Variants in HPS5 observed in about 807,000 individuals in gnomAD.
HPS5 encodes BLOC-2 complex member HPS5.
In HPS5, 83 loss-of-function variants were observed where a neutral mutation model predicts 128.0. The observed-to-expected ratio is 0.65, with a 90% CI of 0.54 to 0.78. HPS5 has a LOEUF of 0.78. Among genes scored for constraint, HPS5 ranks in the 30% least tolerant of loss-of-function variants. The probability of loss-of-function intolerance (pLI) is 0.00; values close to 1 mark genes in which losing one functional copy is unlikely to be tolerated. For missense variants in HPS5, 1,281 were observed against 1,326.2 expected, an observed-to-expected ratio of 0.97 and a Z score of 0.53; for synonymous variants, 475 against 470.2, an observed-to-expected ratio of 1.01 and a Z score of -0.13.
At position 18,285,357 on chromosome 11, in the gene HPS5, G is replaced by A; in HGVS notation, c.2940C>T (p.Cys980=). The A allele has an allele frequency of 6.2e-7, 1 of 1,605,752 alleles. No individual in the cohort carries two copies. The highest frequency in any genetic ancestry group is 8.5e-7 in the Non-Finnish European group (1 of 1,172,642). ...AAATTCTCACTTACCCACAAGACCT[G>A]CAGATGTCTGTCATTTTCTCTTTGG... The part of the protein sequence containing the change: ...FITKEKMTDI[C]RSCGFWPGYL... Residue 980 remains cysteine (C), a synonymous_variant, in exon 20 of 23, where the codon TGC becomes TGT. Transcript: ENST00000349215.
intron 22 of HPS5, 128 bp downstream of exon 22, chr11:18,281,822 A>G: frequency 9.5e-7 from 1 of 1,050,786 alleles, no homozygotes; most frequent in Non-Finnish European, 1.5e-6. Flanking sequence ...CTTAATTACC[A>G]CATCAGTCTC....
At chr11:18,280,267 G>A (rs748942675) in intron 22 of HPS5, among the ~76,000 whole-genome samples, 40 of 152,138 alleles carry the variant, frequency 2.6e-4, no homozygotes, top group Non-Finnish European at 5.4e-4. Flanking sequence ...ATAAGCATAT[G>A]AAAAAATGCT....
In HPS5 at chr11:18,306,312, T is replaced by A. The variant is rs771428254; in HGVS notation, c.647A>T (p.Asp216Val). The A allele has an allele frequency of 4.3e-6, 7 of 1,613,930 alleles. No homozygotes were observed. The highest frequency in any genetic ancestry group is 5.9e-6 in the Non-Finnish European group (7 of 1,179,978). Residue 216 changes from aspartate to valine, a missense_variant, in exon 7 of 23, where the codon GAT (aspartate) becomes GTT (valine). Coordinates refer to ENST00000349215, the MANE Select transcript of HPS5 (RefSeq NM_181507.2). Reference protein sequence around the residue: ...KFWKIGNKERDGEYGACFFPG... With the variant: ...KFWKIGNKERVGEYGACFFPG... ...AAAGAAACAAGCTCCATATTCTCCA[T>A]CTCTTTCCTTGTTTCCAATTTTCCA... is the stretch of plus-strand genomic sequence containing the variant.
chr11:18,311,528 TGAGA>T, intron 3 of HPS5, 77 bp from the exon 4 acceptor site: 2 of 800,192 alleles, frequency 2.5e-6, no homozygotes, highest in Non-Finnish European at 3.7e-6. Context: ...TTTTTTTTTT[TGAGA>T]CTGAGTCTCG....
chr11:18,306,040 TA>T, intron 7 of HPS5, 94 bp downstream of exon 7: 1 of 974,114 alleles, frequency 1.0e-6, no homozygotes, highest in Non-Finnish European at 1.7e-6. Context: ...CCAGGTATAA[TA>T]AAATCTTTAA....
intron 1 of HPS5, among the ~76,000 whole-genome samples, chr11:18,318,741 GAA>G (rs1438999598): frequency 7.2e-5 from 11 of 152,134 alleles, no homozygotes; most frequent in Non-Finnish European, 1.3e-4. Context: ...GAATACAACA[GAA>G]AAAGTCATGA....
intron 12 of HPS5, chr11:18,296,397 C>T: frequency 1.8e-6 from 1 of 542,130 alleles, no homozygotes; most frequent in Middle Eastern, 4.9e-4. Context: ...TCTCTTCTCA[C>T]TAGTTCAGCC....
chr11:18,279,833 G>A lies in HPS5; in HGVS notation c.*49C>T. ...ATGCGTTCAGAAGGTTCAGGAGCAT[G>A]ATTTAGTTTTTCTCAAAATGTCATG... On this transcript the variant is annotated 3_prime_UTR_variant, in exon 23 of 23. Transcript: ENST00000349215. The A allele has an allele frequency of 1.9e-6, 3 of 1,546,648 alleles. No homozygotes were observed. Among genetic ancestry groups the A allele is most frequent in the Non-Finnish European group, 2.7e-6 (3 of 1,118,588 alleles).
Position 18,317,629 on chromosome 11 carries a change from A to T in HPS5, c.108+122T>A, listed in dbSNP as rs924581271. 5.5e-6 allele frequency: 5 copies of T among 905,054 alleles called. No homozygotes were observed. The African/African-American group carries it at 8.5e-5, about 15-fold the overall frequency. The allele number at this position is 905,054 out of a possible 1,614,324, so 56.1% of individuals were successfully genotyped here. On this transcript the variant is annotated intron_variant, in intron 2 of 22. Transcript: ENST00000349215. ...TTTTCTTCTTTTTTTTCCCCCACAA[A>T]AGTATGACTAGGACAGGTAAGAACA...
rs374035680 is a variant in HPS5, at chr11:18,285,462, A to G, written c.2838-3T>C. The G allele has an allele frequency of 1.3e-6, 2 of 1,579,624 alleles. No homozygotes were observed. The highest frequency in any genetic ancestry group is 1.7e-6 in the Non-Finnish European group (2 of 1,148,806). On this transcript the variant is annotated splice_region_variant and splice_polypyrimidine_tract_variant and intron_variant, in intron 19 of 22. Transcript: ENST00000349215. Reference sequence around the variant, plus strand: ...AGGAAAGCAAGTGTGAATGAGGCCTATGAAATGAAAAGGAATCAGTAAATT... The same window carrying G: ...AGGAAAGCAAGTGTGAATGAGGCCTGTGAAATGAAAAGGAATCAGTAAATT...
chr11:18,301,569 A>G (rs1861720858), intron 8 of HPS5, among the ~76,000 whole-genome samples: 1 of 152,136 alleles, frequency 6.6e-6, no homozygotes, highest in South Asian at 2.1e-4. Flanking sequence ...CATACTGGAC[A>G]TGATACGGGC....
rs1233575388 is a variant in HPS5 at position 18,309,014 on chromosome 11, C to T, written c.543G>A (p.Gln181=). ...GTAGCCTTCCATCCAAATAATCTAA[C>T]TGTACAACACAGGAGTCAACAGTTG... is the stretch of plus-strand genomic sequence containing the variant. ...TITTVDSCVV[Q]LDYLDGRLLI... is the part of the protein sequence containing the mutation. The change falls in exon 6 of 23, where the codon CAG becomes CAA. Residue 181 remains glutamine (Q), a synonymous_variant. Coordinates refer to ENST00000349215, the MANE Select transcript of HPS5 (RefSeq NM_181507.2). 1 of 1,613,848 alleles carries T rather than the reference C, an allele frequency of 6.2e-7. No homozygotes were observed. Among genetic ancestry groups the T allele is most frequent in the Admixed American group, 1.7e-5 (1 of 60,024 alleles).
At chr11:18,317,611 C>A in intron 2 of HPS5, 140 bp downstream of exon 2, 1 of 830,008 alleles carries the variant, frequency 1.2e-6, no homozygotes, top group South Asian at 1.6e-5. Context: ...TTATTTTCTT[C>A]TTTTTTTTCC....
rs144875223 is a variant in HPS5, at chr11:18,287,917, G to A, written c.2537C>T (p.Pro846Leu). The A allele has an allele frequency of 1.4e-3, 2,216 of 1,613,920 alleles. 43 individuals carry two copies. The Admixed American group carries it at 0.032, about 24-fold the overall frequency. The change falls in exon 17 of 23, where the codon CCG (proline) becomes CTG (leucine). Residue 846 changes from proline to leucine, a missense_variant. Physicochemically the swap from Pro to Leu is moderately conservative, Grantham distance 98. Transcript: ENST00000349215. The part of the protein sequence containing the change: ...LLDDEVPFDS[P>L]LLVVYATRLY... Reference sequence around the variant, plus strand: ...CCGGGTAGCATAAACAACCAACAACGGACTATCAAAAGGAACCTCGTCATC... The same window carrying A: ...CCGGGTAGCATAAACAACCAACAACAGACTATCAAAAGGAACCTCGTCATC...
At chr11:18,301,377 A>T (rs2061163) in intron 8 of HPS5, among the ~76,000 whole-genome samples, 5 of 149,762 alleles carry the variant, frequency 3.3e-5, no homozygotes, top group South Asian at 2.1e-4. Flanking sequence ...AATCACTTAC[A>T]GGGAGGCGGA....
chr11:18,294,932 A>G, intron 14 of HPS5, 88 bp downstream of exon 14: 1 of 1,433,318 alleles, frequency 7.0e-7, no homozygotes. Context: ...CCCACGGGCC[A>G]CAGGCTGCAC....
chr11:18,312,013 T>A lies in HPS5; in HGVS notation c.120A>T (p.Ile40=). 1 of 1,613,184 alleles carries A rather than the reference T, an allele frequency of 6.2e-7. No individual in the cohort carries two copies. Among genetic ancestry groups the A allele is most frequent in the African/African-American group, 1.3e-5 (1 of 75,024 alleles). ...LDSSRLKCTS[I]AVSRKWLALG... is the part of the protein sequence containing the mutation. ...AAGCCAACCATTTCCGAGACACAGC[T>A]ATGCTCGTGCACTAAAAACATGTGA... is the stretch of plus-strand genomic sequence containing the variant. Residue 40 remains isoleucine, a synonymous_variant, in exon 3 of 23, where the codon ATA becomes ATT. Transcript: ENST00000349215.
At chr11:18,320,066 G>A (rs56339342) in intron 1 of HPS5, among the ~76,000 whole-genome samples, 14,090 of 151,706 alleles carry the variant, frequency 0.093, 909 homozygotes, top group Non-Finnish European at 0.14. Flanking sequence ...ATAATGCGGG[G>A]GTGTGCAGGG....
At chr11:18,315,437 ACT>A (rs1042579755) in intron 2 of HPS5, among the ~76,000 whole-genome samples, 10 of 152,038 alleles carry the variant, frequency 6.6e-5, no homozygotes, top group African/African-American at 2.2e-4. Flanking sequence ...ACATGGTGAA[ACT>A]CTGTCTCTAC....
Sources: allele counts gnomAD v4.1 joint callset (sites outside exome capture counted in the v4.1 genomes callset), GRCh38; gene constraint gnomAD v4.1.1; transcripts MANE v1.5; gene names NCBI Gene and HGNC (gene_info 2026-07-23, HGNC 2026-07-21).